Variants in DIAPH2 observed in about 807,000 individuals in gnomAD.
DIAPH2 encodes the protein diaphanous related formin 2.
Under a neutral mutation model 92.7 loss-of-function variants are expected in DIAPH2, and 35 were observed. The ratio of observed to expected loss-of-function variants is 0.38; its 90% CI spans 0.29 to 0.50. The LOEUF is 0.50. Among genes scored for constraint, DIAPH2 ranks in the 20% least tolerant of loss-of-function variants. The probability of loss-of-function intolerance (pLI) is 0.94; values close to 1 mark genes in which losing one functional copy is unlikely to be tolerated. For synonymous variants in DIAPH2, 301 were observed against 280.4 expected, an observed-to-expected ratio of 1.07 and a Z score of -0.73; for missense variants, 701 against 819.5, an observed-to-expected ratio of 0.86 and a Z score of 1.77.
Position 96,955,131 on chromosome X carries a change from G to A in DIAPH2, c.1615-2697G>A, listed in dbSNP as rs776903321. ...ACTGGGTAATTTATAAAGGGAAGAG[G>A]TTTAATTGACTTGCAGTTTTGCAGA... On this transcript the variant is annotated intron_variant, in intron 15 of 26. Coordinates refer to ENST00000324765, the MANE Select transcript of DIAPH2 (RefSeq NM_006729.5). Among the ~76,000 whole-genome samples the A allele has an allele frequency of 3.6e-5, 4 of 111,875 alleles. No homozygotes were observed. In the Admixed American group the frequency reaches 3.8e-4, roughly 11 times the overall value.
chrX:97,348,329 G>T, intron 24 of DIAPH2, 49 bp downstream of exon 24: 1 of 1,043,349 alleles, frequency 9.6e-7, no homozygotes, highest in Non-Finnish European at 1.3e-6. Flanking sequence ...TTATATTTCT[G>T]AATGTTTTCC....
chrX:97,266,541 A>G (rs1490376646), intron 23 of DIAPH2, among the ~76,000 whole-genome samples: 1 of 111,645 alleles, frequency 9.0e-6, no homozygotes, highest in African/African-American at 3.3e-5. Flanking sequence ...TCTATTTCCA[A>G]TCAAATGATT....
intron 4 of DIAPH2, among the ~76,000 whole-genome samples, chrX:96,876,001 T>C (rs958586256): frequency 6.3e-5 from 7 of 111,757 alleles, no homozygotes; most frequent in Non-Finnish European, 1.1e-4. Context: ...AGAAAATTTT[T>C]GCAATCTGCT....
intron 23 of DIAPH2, among the ~76,000 whole-genome samples, chrX:97,319,156 A>G (rs2068868092): frequency 8.9e-6 from 1 of 112,190 alleles, no homozygotes; most frequent in Non-Finnish European, 1.9e-5. Context: ...GCAGTAAGAA[A>G]AAGATTGTAT....
At chrX:96,799,720 A>C (rs897348260) in intron 4 of DIAPH2, among the ~76,000 whole-genome samples, 1 of 110,630 alleles carries the variant, frequency 9.0e-6, no homozygotes, top group Non-Finnish European at 1.9e-5. Flanking sequence ...AGGCAGGAGA[A>C]TCACTTGAAC....
intron 17 of DIAPH2, among the ~76,000 whole-genome samples, chrX:97,000,665 T>A (rs1049662471): frequency 9.1e-6 from 1 of 110,472 alleles, no homozygotes; most frequent in African/African-American, 3.3e-5. Flanking sequence ...ATGTCTACTT[T>A]GAGTTTTGTA....
intron 22 of DIAPH2, among the ~76,000 whole-genome samples, chrX:97,178,545 C>G: frequency 9.7e-6 from 1 of 103,412 alleles, no homozygotes; most frequent in East Asian, 3.1e-4. Context: ...CTCCACCTCC[C>G]GAGTTCAAGC....
At chrX:97,261,284 C>T (rs2068286304) in intron 23 of DIAPH2, among the ~76,000 whole-genome samples, 1 of 112,177 alleles carries the variant, frequency 8.9e-6, no homozygotes, top group African/African-American at 3.2e-5. Flanking sequence ...GGAAGAATTC[C>T]ATAATTGTTT....
At chrX:97,035,748 C>G (rs1431821000) in intron 17 of DIAPH2, among the ~76,000 whole-genome samples, 11 of 111,074 alleles carry the variant, frequency 9.9e-5, no homozygotes, top group Non-Finnish European at 2.1e-4. Context: ...GTGCCTCATG[C>G]CTGTAATCCC....
intron 17 of DIAPH2, among the ~76,000 whole-genome samples, chrX:96,976,567 C>T (rs1231012715): frequency 9.1e-6 from 1 of 109,409 alleles, no homozygotes; most frequent in African/African-American, 3.3e-5. Flanking sequence ...ACATTAATTT[C>T]CAGTTGTCAT....
At chrX:96,745,194 C>T (rs897458494) in intron 3 of DIAPH2, among the ~76,000 whole-genome samples, 1 of 109,899 alleles carries the variant, frequency 9.1e-6, no homozygotes, top group Non-Finnish European at 1.9e-5. Flanking sequence ...TTATTAGAGA[C>T]GGGTTTTCTC....
intron 15 of DIAPH2, among the ~76,000 whole-genome samples, chrX:96,955,065 G>A (rs141600684): frequency 0.026 from 2,919 of 112,200 alleles, 106 homozygotes; most frequent in African/African-American, 0.089. Flanking sequence ...TGAGGATACT[G>A]TATTAGTCCG....
intron 26 of DIAPH2, among the ~76,000 whole-genome samples, chrX:97,460,499 G>A (rs1406867825): frequency 8.9e-6 from 1 of 112,172 alleles, no homozygotes; most frequent in Non-Finnish European, 1.9e-5. Context: ...TCGCCACAAA[G>A]ATGAGCAGAA....
At chrX:96,703,372 A>G (rs2063866068) in intron 1 of DIAPH2, among the ~76,000 whole-genome samples, 1 of 112,066 alleles carries the variant, frequency 8.9e-6, no homozygotes, top group Non-Finnish European at 1.9e-5. Flanking sequence ...ATATTTATTA[A>G]TTCTGATACC....
At chrX:96,889,349 G>C (rs1378055618) in intron 5 of DIAPH2, among the ~76,000 whole-genome samples, 1 of 111,311 alleles carries the variant, frequency 9.0e-6, no homozygotes, top group East Asian at 2.8e-4. Context: ...ACATAGCTGT[G>C]TGTAAATTGG....
At chrX:96,958,887 C>T (rs2065829660) in intron 16 of DIAPH2, among the ~76,000 whole-genome samples, 1 of 111,775 alleles carries the variant, frequency 8.9e-6, no homozygotes, top group Admixed American at 9.4e-5. Context: ...CAATTCCATA[C>T]ATATTGCTGC....
intron 26 of DIAPH2, among the ~76,000 whole-genome samples, chrX:97,479,437 T>C (rs2070634862): frequency 8.9e-6 from 1 of 112,441 alleles, no homozygotes; most frequent in East Asian, 2.8e-4. Flanking sequence ...TACTCCAGAA[T>C]TGCTTTTGAC....
In DIAPH2 at chrX:96,689,251, G is replaced by A. The variant is rs1056494546; in HGVS notation, c.132+4061G>A. Among the ~76,000 whole-genome samples, 6 of 101,021 alleles carry A rather than the reference G, an allele frequency of 5.9e-5. No individual in the cohort carries two copies. In the Admixed American group the frequency reaches 6.9e-4, roughly 12 times the overall value. The allele number at this position is 101,021 out of a possible 115,157, so 87.7% of individuals were successfully genotyped here. On this transcript the variant is annotated intron_variant, in intron 1 of 26. Coordinates refer to ENST00000324765, the MANE Select transcript of DIAPH2 (RefSeq NM_006729.5). ...ACTTGCTAGAAAAGAGACGGGGTCC[G>A]GATCATGATGGATCTTGTATGCCAT...
At chrX:97,210,329 C>G (rs1412773658) in intron 22 of DIAPH2, among the ~76,000 whole-genome samples, 1 of 111,806 alleles carries the variant, frequency 8.9e-6, no homozygotes, top group Admixed American at 9.5e-5. Context: ...TTTGTTATCT[C>G]TGTGTTCATC....
Sources: gnomAD v4.1 joint callset for allele counts (sites outside exome capture counted in the v4.1 genomes callset) on GRCh38, gnomAD v4.1.1 for gene constraint, MANE v1.5 for transcripts, NCBI Gene and HGNC (gene_info 2026-07-23, HGNC 2026-07-21) for gene names.